The following MAD1L1 variants were observed in gnomAD, a reference collection of about 807,000 sequenced individuals.
MAD1L1 encodes mitotic arrest deficient 1 like 1.
A neutral mutation model predicts 96.9 loss-of-function variants in MAD1L1; 95 were observed. That is an observed-to-expected ratio of 0.98 (90% CI 0.83 to 1.16). The LOEUF is 1.16. MAD1L1 is among the 50% of genes most tolerant of loss of function. The probability of loss-of-function intolerance (pLI) is 0.00; values close to 1 mark genes in which losing one functional copy is unlikely to be tolerated. For missense variants in MAD1L1, 1,007 were observed against 954.4 expected (o/e 1.06, Z -0.73); for synonymous variants, 473 against 396.6 (o/e 1.19, Z -2.29).
At chr7:1,906,556 C>T (rs1787644089) in intron 17 of MAD1L1, among the ~76,000 whole-genome samples, 1 of 152,262 alleles carries the variant, frequency 6.6e-6, no homozygotes, top group African/African-American at 2.4e-5. Flanking sequence ...TCTTTTCCTG[C>T]AGGGCACAGA....
At chr7:2,196,660 AC>A (rs1215468990) in intron 10 of MAD1L1, among the ~76,000 whole-genome samples, 1 of 152,246 alleles carries the variant, frequency 6.6e-6, no homozygotes, top group East Asian at 1.9e-4. Flanking sequence ...TCACAGTGCT[AC>A]CCACAGACAC....
chr7:2,079,719 T>G (rs1376146787), intron 11 of MAD1L1: 1 of 470,968 alleles, frequency 2.1e-6, no homozygotes, highest in East Asian at 6.9e-5. Context: ...TGGGCAGGGC[T>G]CCTCCAAATG....
chr7:2,205,242 T>C (rs1792539609), intron 10 of MAD1L1, among the ~76,000 whole-genome samples: 1 of 152,110 alleles, frequency 6.6e-6, no homozygotes, highest in Non-Finnish European at 1.5e-5. Context: ...TGAACTTTGC[T>C]AAAGAACAGG....
intron 11 of MAD1L1, among the ~76,000 whole-genome samples, chr7:2,071,022 C>T (rs558017886): frequency 3.7e-4 from 54 of 146,354 alleles, no homozygotes; most frequent in South Asian, 1.5e-3. Context: ...TGGTGGATGG[C>T]GCTTTCTTGG....
At chr7:2,080,021 C>A in intron 11 of MAD1L1, 1 of 305,772 alleles carries the variant, frequency 3.3e-6, no homozygotes. Context: ...TCCGTCAACC[C>A]TGTCAGCGCT....
intron 17 of MAD1L1, among the ~76,000 whole-genome samples, chr7:1,921,935 GAATT>G (rs1316846452): frequency 1.3e-5 from 2 of 152,168 alleles, no homozygotes; most frequent in Non-Finnish European, 2.9e-5. Context: ...GAAGAAAATA[GAATT>G]ATTTATCAAA....
intron 11 of MAD1L1, among the ~76,000 whole-genome samples, chr7:2,112,383 A>AAC (rs1182044974): frequency 3.9e-5 from 6 of 152,170 alleles, no homozygotes; most frequent in Non-Finnish European, 5.9e-5. Context: ...ACAAACAAAG[A>AAC]ACACAACACC....
At position 2,014,534 on chromosome 7, in the gene MAD1L1, G is replaced by T; in HGVS notation, c.1327C>A (p.Gln443Lys). ...TCGGCGCTGTGGCTGTGCACCTTCT[G>T]CACCATATCCTCAGCCTCCCGCATG... ...RRMREAEDMV[Q>K]KVHSHSAEME... is the part of the protein sequence containing the mutation. Residue 443 changes from glutamine (Q) to lysine (K), a missense_variant, in exon 13 of 19, where the codon CAG becomes AAG. By Grantham distance (53) the Gln-to-Lys change is moderately conservative (BLOSUM62 1). Coordinates refer to ENST00000265854, the MANE Select transcript of MAD1L1 (RefSeq NM_001013836.2). 1 of 1,608,474 alleles carries T rather than the reference G, an allele frequency of 6.2e-7. No individual in the cohort carries two copies.
rs1021115873 is a variant in MAD1L1 at position 1,830,581 on chromosome 7, G to T, written c.1999-14353C>A. Among the ~76,000 whole-genome samples, 67 of 152,290 alleles carry T rather than the reference G, an allele frequency of 4.4e-4. 1 individual carries two copies. Among genetic ancestry groups the T allele is most frequent in the African/African-American group, 1.5e-3 (62 of 41,558 alleles). On this transcript the variant is annotated intron_variant, in intron 18 of 18. Coordinates refer to ENST00000265854, the MANE Select transcript of MAD1L1 (RefSeq NM_001013836.2). Reference sequence around the variant, plus strand: ...AGAAATAAAAACAAAGTATTGTGGGGTTTATCATGTGCATAAATAAAATAT... The same window carrying T: ...AGAAATAAAAACAAAGTATTGTGGGTTTTATCATGTGCATAAATAAAATAT...
At chr7:1,847,350 G>T (rs1428219875) in intron 18 of MAD1L1, 1 of 470,954 alleles carries the variant, frequency 2.1e-6, no homozygotes, top group Admixed American at 2.3e-5. Flanking sequence ...TGCTCGCGGA[G>T]GTACCACGGG....
At chr7:2,229,934 G>A in intron 3 of MAD1L1, 50 bp downstream of exon 3, 1 of 1,590,332 alleles carries the variant, frequency 6.3e-7, no homozygotes, top group Non-Finnish European at 8.6e-7. Context: ...GTCCTGCCCG[G>A]GCCCAGGGTC....
chr7:2,022,508 G>A (rs940625935), intron 12 of MAD1L1, among the ~76,000 whole-genome samples: 2 of 151,824 alleles, frequency 1.3e-5, no homozygotes, highest in Admixed American at 6.6e-5. Context: ...GCAAGATCAC[G>A]CCACTGTACC....
chr7:2,123,344 C>A (rs10241356), intron 11 of MAD1L1, among the ~76,000 whole-genome samples: 7,929 of 151,352 alleles, frequency 0.052, 708 homozygotes, highest in African/African-American at 0.18. Context: ...TCAGCCAGCT[C>A]AGGGACTGAG....
intron 11 of MAD1L1, among the ~76,000 whole-genome samples, chr7:2,098,256 A>G (rs1786598157): frequency 6.6e-6 from 1 of 152,120 alleles, no homozygotes; most frequent in Non-Finnish European, 1.5e-5. Context: ...GTAGCACCAG[A>G]GCGCCAGTCA....
intron 18 of MAD1L1, among the ~76,000 whole-genome samples, chr7:1,865,536 C>G (rs1784738597): frequency 6.6e-6 from 1 of 152,242 alleles, no homozygotes; most frequent in African/African-American, 2.4e-5. Context: ...GGCGACGGAG[C>G]AGCCAGATGG....
Position 1,824,521 on chromosome 7 carries a change from G to A in MAD1L1, c.1999-8293C>T, listed in dbSNP as rs371994226. Among the ~76,000 whole-genome samples the A allele has an allele frequency of 3.9e-5, 6 of 152,148 alleles. No homozygotes were observed. In the South Asian group the frequency reaches 6.2e-4, roughly 16 times the overall value. On this transcript the variant is annotated intron_variant, in intron 18 of 18. Coordinates refer to ENST00000265854, the MANE Select transcript of MAD1L1 (RefSeq NM_001013836.2). The stretch of plus-strand genomic sequence containing the variant: ...AGCTGCCCCGTGCCCTGGCGCCATC[G>A]GATGGCCTCTACTGGGAAGTGAGCT...
intron 11 of MAD1L1, among the ~76,000 whole-genome samples, chr7:2,094,345 C>A (rs138252918): frequency 6.6e-6 from 1 of 152,194 alleles, no homozygotes; most frequent in African/African-American, 2.4e-5. Flanking sequence ...CCCACACTCT[C>A]GACAGAGGAT....
intron 10 of MAD1L1, among the ~76,000 whole-genome samples, chr7:2,208,736 C>A (rs1276120735): frequency 6.6e-6 from 1 of 152,180 alleles, no homozygotes; most frequent in East Asian, 1.9e-4. Context: ...AGCCTCACGC[C>A]ATCTTTCCCA....
At chr7:1,997,887 A>G (rs1443355892) in intron 14 of MAD1L1, among the ~76,000 whole-genome samples, 1 of 152,172 alleles carries the variant, frequency 6.6e-6, no homozygotes. Context: ...GTCCCTCGGG[A>G]GCCCTGCGGC....
Sources: allele counts gnomAD v4.1 joint callset (sites outside exome capture counted in the v4.1 genomes callset), GRCh38; gene constraint gnomAD v4.1.1; transcripts MANE v1.5; gene names NCBI Gene and HGNC (gene_info 2026-07-23, HGNC 2026-07-21).